The following SH3KBP1 variants were observed in gnomAD, a reference collection of about 807,000 sequenced individuals.
SH3KBP1 encodes SH3 domain containing kinase binding protein 1, also known as SH3 domain-containing kinase-binding protein 1.
Under a neutral mutation model 50.1 loss-of-function variants are expected in SH3KBP1, and 8 were observed. That is an observed-to-expected ratio of 0.16 (90% CI 0.09 to 0.29). The LOEUF (loss-of-function observed/expected upper bound fraction) is 0.29, where lower values mean the gene tolerates loss of function less well. Ranked by LOEUF, SH3KBP1 falls within the 10% of genes least tolerant of loss-of-function variation. The pLI, the probability that SH3KBP1 is intolerant of heterozygous loss-of-function variation, is 1.00. For synonymous variants in SH3KBP1, 227 were observed against 218.6 expected (o/e 1.04, Z -0.34); for missense variants, 377 against 535.2 (o/e 0.70, Z 2.92).
rs192996726 is a variant in SH3KBP1, at chrX:19,541,280, T to C, written c.1892+645A>G. On this transcript the variant is annotated intron_variant, in intron 16 of 17. Transcript: ENST00000397821. ...CCACATCCTGGATGATAATGATGTA[T>C]GATACTTATTTTTGTGTCCAGGTCT... 5.4e-5 allele frequency among the ~76,000 whole-genome samples: 6 copies of C among 111,975 alleles called. No homozygotes were observed. In the East Asian group the frequency reaches 1.7e-3, roughly 32 times the overall value.
At chrX:19,680,778 G>A (rs958255311) in intron 6 of SH3KBP1, among the ~76,000 whole-genome samples, 3 of 111,811 alleles carry the variant, frequency 2.7e-5, no homozygotes, top group Non-Finnish European at 5.6e-5. Flanking sequence ...TATCCATGGC[G>A]CCAACAACAT....
intron 2 of SH3KBP1, among the ~76,000 whole-genome samples, chrX:19,784,253 T>G (rs1603239938): frequency 8.9e-6 from 1 of 112,190 alleles, no homozygotes; most frequent in African/African-American, 3.2e-5. Context: ...AGATTACCAT[T>G]AAGACTTCCG....
chrX:19,779,298 C>CA (rs750278989), intron 2 of SH3KBP1, among the ~76,000 whole-genome samples: 192 of 48,396 alleles, frequency 4.0e-3, no homozygotes, highest in Middle Eastern at 0.014. Context: ...GACCCTGTCT[C>CA]AAAAAAAAAA....
At chrX:19,827,137 C>T (rs1569483025) in intron 2 of SH3KBP1, among the ~76,000 whole-genome samples, 1 of 111,742 alleles carries the variant, frequency 8.9e-6, no homozygotes, top group Non-Finnish European at 1.9e-5. Context: ...AAACACCTAG[C>T]AAATGAAAGC....
At chrX:19,569,265 A>ACT in intron 12 of SH3KBP1, 77 bp from the exon 13 acceptor site, 2 of 916,735 alleles carry the variant, frequency 2.2e-6, no homozygotes, top group Non-Finnish European at 3.2e-6. Context: ...CTTGCTGCAC[A>ACT]CGTTAAGGAG....
At chrX:19,549,930 G>A (rs770920822) in intron 14 of SH3KBP1, 44 bp downstream of exon 14, 9 of 966,246 alleles carry the variant, frequency 9.3e-6, no homozygotes, top group East Asian at 3.1e-5. Context: ...CTGCTTTTCC[G>A]CTGTAGAGAA....
At chrX:19,631,509 A>C (rs2061576449) in intron 8 of SH3KBP1, among the ~76,000 whole-genome samples, 1 of 112,492 alleles carries the variant, frequency 8.9e-6, no homozygotes, top group African/African-American at 3.2e-5. Flanking sequence ...TTTTAAAAAA[A>C]AACTCCTCCT....
At chrX:19,615,445 A>T (rs751728331) in intron 8 of SH3KBP1, among the ~76,000 whole-genome samples, 1 of 112,077 alleles carries the variant, frequency 8.9e-6, no homozygotes, top group African/African-American at 3.2e-5. Flanking sequence ...GAGGCTGTTA[A>T]GTGAGCCTCA....
chrX:19,717,535 T>C (rs1355337846), intron 3 of SH3KBP1, among the ~76,000 whole-genome samples: 1 of 111,829 alleles, frequency 8.9e-6, no homozygotes, highest in African/African-American at 3.3e-5. Flanking sequence ...GCCACTGCAC[T>C]TCAGCCTGGG....
intron 1 of SH3KBP1, among the ~76,000 whole-genome samples, chrX:19,842,218 C>T (rs2068239911): frequency 8.9e-6 from 1 of 111,870 alleles, no homozygotes; most frequent in Non-Finnish European, 1.9e-5. Context: ...AATTTTATAC[C>T]TCAGTACAGC....
intron 8 of SH3KBP1, among the ~76,000 whole-genome samples, chrX:19,628,227 G>T (rs2061498794): frequency 8.9e-6 from 1 of 112,034 alleles, no homozygotes; most frequent in African/African-American, 3.2e-5. Flanking sequence ...TTAACGTCAT[G>T]GCATTCCAGC....
chrX:19,840,982 C>G (rs746731925), intron 1 of SH3KBP1, among the ~76,000 whole-genome samples: 2 of 112,014 alleles, frequency 1.8e-5, no homozygotes, highest in South Asian at 3.7e-4. Context: ...AAGATAGAGC[C>G]AGGGGAGATA....
chrX:19,561,397 C>T (rs1360953074), intron 13 of SH3KBP1, among the ~76,000 whole-genome samples: 2 of 111,246 alleles, frequency 1.8e-5, no homozygotes, highest in South Asian at 3.8e-4. Flanking sequence ...TCTGACACTC[C>T]ATGACTTTTT....
chrX:19,542,083 C>G lies in SH3KBP1; in HGVS notation c.1734G>C (p.Leu578Phe). The part of the protein sequence containing the change: ...SAAPSPLSSS[L>F]GTAGHRANSP... ...AGTTGGCTCTGTGTCCAGCTGTTCC[C>G]AAAGAGGATGACAGGGGGGAGGGCG... Residue 578 changes from leucine (L) to phenylalanine (F), a missense_variant, in exon 16 of 18, where the codon TTG becomes TTC. Physicochemically the swap from Leu to Phe is conservative, Grantham distance 22. Coordinates refer to ENST00000397821, the MANE Select transcript of SH3KBP1 (RefSeq NM_031892.3). 2 of 1,211,778 alleles carry G rather than the reference C, an allele frequency of 1.7e-6. No homozygotes were observed. The highest frequency in any genetic ancestry group is 2.2e-6 in the Non-Finnish European group (2 of 895,424).
intron 7 of SH3KBP1, among the ~76,000 whole-genome samples, chrX:19,644,327 A>G (rs934849059): frequency 9.0e-6 from 1 of 111,700 alleles, no homozygotes; most frequent in African/African-American, 3.3e-5. Context: ...GGTCAATAAT[A>G]ACTTAATTGT....
intron 2 of SH3KBP1, among the ~76,000 whole-genome samples, chrX:19,747,297 A>G (rs1403467608): frequency 8.9e-6 from 1 of 112,436 alleles, no homozygotes; most frequent in Admixed American, 9.4e-5. Flanking sequence ...TTATTAGACC[A>G]AGATAATAGT....
chrX:19,792,842 C>T (rs1472683215), intron 2 of SH3KBP1, among the ~76,000 whole-genome samples: 2 of 109,331 alleles, frequency 1.8e-5, no homozygotes, highest in African/African-American at 6.7e-5. Context: ...GCGAGTAGAC[C>T]CCAGAGATGC....
intron 1 of SH3KBP1, among the ~76,000 whole-genome samples, chrX:19,875,737 A>T: frequency 8.9e-6 from 1 of 112,663 alleles, no homozygotes; most frequent in Non-Finnish European, 1.9e-5. Flanking sequence ...AAAAATGTGG[A>T]ACTGGGACCA....
chrX:19,755,547 T>C (rs1171044167), intron 2 of SH3KBP1, among the ~76,000 whole-genome samples: 1 of 110,134 alleles, frequency 9.1e-6, no homozygotes, highest in Non-Finnish European at 1.9e-5. Flanking sequence ...AACAAAAAAA[T>C]AGCAAAGGAC....
Sources: gnomAD v4.1 joint callset for allele counts (sites outside exome capture counted in the v4.1 genomes callset) on GRCh38, gnomAD v4.1.1 for gene constraint, MANE v1.5 for transcripts, NCBI Gene and HGNC (gene_info 2026-07-23, HGNC 2026-07-21) for gene names.